The following ARMC10 variants were observed in gnomAD, a reference collection of about 807,000 sequenced individuals.
ARMC10 encodes armadillo repeat containing 10, also known as armadillo repeat-containing protein 10.
Under a neutral mutation model 30.2 loss-of-function variants are expected in ARMC10, and 23 were observed. The ratio of observed to expected loss-of-function variants is 0.76; its 90% CI spans 0.55 to 1.08. The LOEUF (loss-of-function observed/expected upper bound fraction) is 1.08. ARMC10 is among the 50% of genes least tolerant of loss of function. The pLI is 0.00. For synonymous variants in ARMC10, 111 were observed against 164.4 expected (o/e 0.68, Z 2.48); for missense variants, 303 against 413.7 (o/e 0.73, Z 2.32).
chr7:103,086,490 G>A (rs778196519), intron 3 of ARMC10, 140 bp from the exon 4 acceptor site: 163 of 877,136 alleles, frequency 1.9e-4, no homozygotes, highest in Non-Finnish European at 2.7e-4. Context: ...TTTAAAATAT[G>A]AATTAAATAT....
intron 2 of ARMC10, chr7:103,083,065 GGTAAGT>G (rs2129521326): frequency 2.2e-6 from 1 of 456,696 alleles, no homozygotes; most frequent in South Asian, 1.5e-5. Flanking sequence ...TCTCTTTATA[GGTAAGT>G]GTTCATTGGA....
chr7:103,081,554 TA>T (rs1800385256), intron 2 of ARMC10, among the ~76,000 whole-genome samples: 1 of 152,166 alleles, frequency 6.6e-6, no homozygotes, highest in Non-Finnish European at 1.5e-5. Context: ...TTTCTGTTTT[TA>T]GTAGAGATGG....
intron 5 of ARMC10, chr7:103,096,160 T>A (rs923190493): frequency 6.6e-6 from 1 of 152,234 alleles, no homozygotes; most frequent in Non-Finnish European, 1.5e-5. Flanking sequence ...ATAAGAATGC[T>A]GATATTTTAG....
chr7:103,077,083 T>G (rs6979140), intron 2 of ARMC10, among the ~76,000 whole-genome samples: 1 of 151,976 alleles, frequency 6.6e-6, no homozygotes, highest in Non-Finnish European at 1.5e-5. Context: ...TTTTAGGAGA[T>G]GAGTTTTCAC....
intron 3 of ARMC10, among the ~76,000 whole-genome samples, chr7:103,085,579 T>C (rs189987374): frequency 1.3e-5 from 2 of 151,296 alleles, no homozygotes; most frequent in East Asian, 3.9e-4. Context: ...TTATTTTCCC[T>C]CTGAATATTT....
chr7:103,089,761 G>A (rs1017954643), intron 4 of ARMC10, among the ~76,000 whole-genome samples: 1 of 152,154 alleles, frequency 6.6e-6, no homozygotes, highest in African/African-American at 2.4e-5. Flanking sequence ...GGTGCTAAAG[G>A]AACCAGGCCA....
Position 103,087,839 on chromosome 7 carries a change from A to G in ARMC10, c.528+1075A>G, listed in dbSNP as rs965449929. On this transcript the variant is annotated intron_variant, in intron 4 of 6. Transcript: ENST00000323716. ...ATGAGAGGCAAGTACTATATAGACT[A>G]GAAAATTTAATTTTCTACAGAATTA... The G allele has an allele frequency of 1.4e-5, 13 of 945,722 alleles. No individual in the cohort carries two copies. In the Admixed American group the frequency reaches 3.1e-4, roughly 22 times the overall value. The allele number at this position is 945,722 out of a possible 1,614,324, so 58.6% of individuals were successfully genotyped here. A position where few individuals can be genotyped will look rare whatever the true frequency, so the allele number is the denominator to read the frequency against.
At chr7:103,090,015 G>A (rs1585766557) in intron 4 of ARMC10, among the ~76,000 whole-genome samples, 1 of 152,120 alleles carries the variant, frequency 6.6e-6, no homozygotes. Flanking sequence ...AGAAAGGAGA[G>A]ATTTCATCCA....
chr7:103,089,865 A>G (rs1207113909), intron 4 of ARMC10, among the ~76,000 whole-genome samples: 1 of 152,234 alleles, frequency 6.6e-6, no homozygotes, highest in African/African-American at 2.4e-5. Context: ...GGTGCAGAGT[A>G]TACAAATGAG....
chr7:103,079,341 G>GA (rs980688510), intron 2 of ARMC10, among the ~76,000 whole-genome samples: 9 of 151,546 alleles, frequency 5.9e-5, no homozygotes, highest in African/African-American at 9.7e-5. Context: ...GAAAAAAAAA[G>GA]AAAAAAAATT....
chr7:103,085,292 A>T (rs1475792977), intron 3 of ARMC10, among the ~76,000 whole-genome samples: 1 of 152,086 alleles, frequency 6.6e-6, no homozygotes, highest in Non-Finnish European at 1.5e-5. Context: ...TAGTAACTGC[A>T]AGTCCTTCGA....
intron 4 of ARMC10, chr7:103,088,585 T>G (rs1801049906): frequency 6.3e-6 from 1 of 159,648 alleles, no homozygotes; most frequent in Non-Finnish European, 1.4e-5. Context: ...CTGGATCAAA[T>G]GAATGTTAAT....
At position 103,083,918 on chromosome 7, in the gene ARMC10, G is replaced by T; in HGVS notation, c.393+88G>T. 3.9e-6 allele frequency: 6 copies of T among 1,538,130 alleles called. No homozygotes were observed. The South Asian group carries it at 7.0e-5, about 18-fold the overall frequency. Reference sequence around the variant, plus strand: ...CCTGAATAAATTACTTAACCTCTCAGACCCTCAATTTCCTCATCTGTGCAA... The same window carrying T: ...CCTGAATAAATTACTTAACCTCTCATACCCTCAATTTCCTCATCTGTGCAA... On this transcript the variant is annotated intron_variant, in intron 3 of 6. Transcript: ENST00000323716.
intron 5 of ARMC10, among the ~76,000 whole-genome samples, chr7:103,094,979 A>C (rs1255514266): frequency 6.6e-6 from 1 of 152,184 alleles, no homozygotes; most frequent in Non-Finnish European, 1.5e-5. Context: ...ATATTTGATA[A>C]AAACAGTAAA....
At chr7:103,078,957 TGTGA>T (rs1263198682) in intron 2 of ARMC10, among the ~76,000 whole-genome samples, 2 of 152,162 alleles carry the variant, frequency 1.3e-5, no homozygotes, top group African/African-American at 4.8e-5. Context: ...TGCAGTAAGC[TGTGA>T]TTGTGCCGCT....
intron 4 of ARMC10, among the ~76,000 whole-genome samples, chr7:103,090,717 G>A (rs1402616542): frequency 2.9e-5 from 3 of 103,350 alleles, no homozygotes; most frequent in African/African-American, 9.8e-5. Flanking sequence ...GTTTGGGTGA[G>A]AACCCATTTC....
rs370513780 is a variant in ARMC10 at position 103,098,736 on chromosome 7, A to C, written c.*183A>C. 1.2e-6 allele frequency: 1 copy of C among 859,022 alleles called. No individual in the cohort carries two copies. Among genetic ancestry groups the C allele is most frequent in the African/African-American group, 1.7e-5 (1 of 59,554 alleles). 53.2% of individuals were successfully genotyped at this position (859,022 alleles called of 1,614,324 possible). ...GACTATTTTGATGCCAAGTGAATAT[A>C]AGAGCTTGTACTGAAACCATTTATT... On this transcript the variant is annotated 3_prime_UTR_variant, in exon 7 of 7. Coordinates refer to ENST00000323716, the MANE Select transcript of ARMC10 (RefSeq NM_031905.5).
chr7:103,075,916 C>A, intron 2 of ARMC10, 35 bp downstream of exon 2: 1 of 1,431,232 alleles, frequency 7.0e-7, no homozygotes, highest in Non-Finnish European at 9.4e-7. Context: ...GTTGTCTGCG[C>A]GAGACACACC....
intron 2 of ARMC10, among the ~76,000 whole-genome samples, chr7:103,076,945 T>C (rs570994523): frequency 3.2e-4 from 49 of 152,162 alleles, no homozygotes; most frequent in Non-Finnish European, 5.6e-4. Flanking sequence ...CTCGGTGCAG[T>C]GGCGCAATCA....
Sources: gnomAD v4.1 joint callset for allele counts (sites outside exome capture counted in the v4.1 genomes callset) on GRCh38, gnomAD v4.1.1 for gene constraint, MANE v1.5 for transcripts, NCBI Gene and HGNC (gene_info 2026-07-23, HGNC 2026-07-21) for gene names.